The following FRMD5 variants were observed in gnomAD, a reference collection of about 807,000 sequenced individuals.
FRMD5 encodes the protein FERM domain containing 5, also known as FERM domain-containing protein 5.
A neutral mutation model predicts 69.0 loss-of-function variants in FRMD5; 20 were observed. The ratio of observed to expected loss-of-function variants is 0.29; its 90% CI spans 0.20 to 0.42. FRMD5 has a LOEUF of 0.42. Among genes scored for constraint, FRMD5 ranks in the 10% least tolerant of loss-of-function variants. FRMD5 has a pLI of 1.00. For missense variants in FRMD5, 595 were observed against 708.6 expected, an observed-to-expected ratio of 0.84 and a Z score of 1.82; for synonymous variants, 271 against 260.1, an observed-to-expected ratio of 1.04 and a Z score of -0.40.
At position 44,093,351 on chromosome 15, in the gene FRMD5, A is replaced by G. The variant is rs192295373; in HGVS notation, c.102+101602T>C. On this transcript the variant is annotated intron_variant, in intron 1 of 13. Transcript: ENST00000417257. Reference sequence around the variant, plus strand: ...TTCCATTCCTTCCTTCAGGACAAAAAAAAAACAACTTGATCTTATCAGGGG... The same window carrying G: ...TTCCATTCCTTCCTTCAGGACAAAAGAAAAACAACTTGATCTTATCAGGGG... Among the ~76,000 whole-genome samples the G allele has an allele frequency of 4.1e-3, 619 of 152,066 alleles. 2 individuals are homozygous for G. Among genetic ancestry groups the G allele is most frequent in the Non-Finnish European group, 7.1e-3 (479 of 67,858 alleles).
In FRMD5 at chr15:43,874,027, T is replaced by C; in HGVS notation, c.1571A>G (p.Glu524Gly). Residue 524 changes from glutamate to glycine, a missense_variant, in exon 14 of 14, where the codon GAG becomes GGG. Glu to Gly is a moderately conservative substitution (Grantham distance 98). This residue lies in a region of FRMD5 where 245 missense variants were observed against 227.1 expected (regional missense o/e 1.08). Coordinates refer to ENST00000417257, the MANE Select transcript of FRMD5 (RefSeq NM_032892.5). ...VLLLLLIILT[E>G]SDLDIAFFRD... ...GAAAAAGGCAATGTCAAGGTCAGAC[T>C]CGGTAAGGATGATCAGGAGGAGGAG... 1 of 1,614,126 alleles carries C rather than the reference T, an allele frequency of 6.2e-7. No homozygotes were observed. The highest frequency in any genetic ancestry group is 1.1e-5 in the South Asian group (1 of 91,074).
At chr15:44,117,265 T>G (rs1049016721) in intron 1 of FRMD5, among the ~76,000 whole-genome samples, 2 of 152,120 alleles carry the variant, frequency 1.3e-5, no homozygotes, top group African/African-American at 4.8e-5. Flanking sequence ...ATCAAGAGAA[T>G]GAGTGGTAGA....
chr15:43,893,455 T>G (rs1173778437), intron 7 of FRMD5, among the ~76,000 whole-genome samples: 1 of 152,144 alleles, frequency 6.6e-6, no homozygotes, highest in East Asian at 1.9e-4. Context: ...GTGAGCTCCC[T>G]GAGGTCTAGG....
rs149063141 is a variant in FRMD5, at chr15:44,160,169, C to A, written c.102+34784G>T. On this transcript the variant is annotated intron_variant, in intron 1 of 13. Transcript: ENST00000417257. ...AGGAGTTTGAGGCCAGCCTGGCCAA[C>A]ATGGTTAAACCCTGTCTCTACTAAA... Among the ~76,000 whole-genome samples, 600 of 152,322 alleles carry A rather than the reference C, an allele frequency of 3.9e-3. 5 individuals carry two copies. Among genetic ancestry groups the A allele is most frequent in the African/African-American group, 0.014 (562 of 41,572 alleles).
intron 1 of FRMD5, among the ~76,000 whole-genome samples, chr15:44,005,589 T>C (rs1208710031): frequency 1.3e-5 from 2 of 152,224 alleles, no homozygotes; most frequent in East Asian, 3.9e-4. Context: ...CGGCTTCTAT[T>C]TCTTGGGAGG....
intron 1 of FRMD5, among the ~76,000 whole-genome samples, chr15:44,068,694 C>T (rs559569870): frequency 6.6e-6 from 1 of 152,250 alleles, no homozygotes; most frequent in Non-Finnish European, 1.5e-5. Context: ...GTTTGTACAA[C>T]TTTATGAATA....
At chr15:43,915,909 A>T (rs2089377900) in intron 4 of FRMD5, among the ~76,000 whole-genome samples, 1 of 152,130 alleles carries the variant, frequency 6.6e-6, no homozygotes, top group African/African-American at 2.4e-5. Context: ...TGAATTACGG[A>T]TGTTGAGTGA....
At chr15:43,985,267 C>T (rs1464587642) in intron 1 of FRMD5, among the ~76,000 whole-genome samples, 3 of 113,156 alleles carry the variant, frequency 2.7e-5, no homozygotes, top group African/African-American at 3.4e-5. Flanking sequence ...GGCAACAGAG[C>T]GAGACTCCGT....
chr15:43,961,154 T>C (rs970674937), intron 1 of FRMD5, among the ~76,000 whole-genome samples: 1 of 152,082 alleles, frequency 6.6e-6, no homozygotes, highest in Non-Finnish European at 1.5e-5. Context: ...GATAGACTGC[T>C]AGCAAGACTA....
rs1360598855 is a variant in FRMD5, at chr15:43,871,681, G to A, written c.*2204C>T. The A allele has an allele frequency of 6.6e-6, 1 of 152,204 alleles. No individual in the cohort carries two copies. Among genetic ancestry groups the A allele is most frequent in the Non-Finnish European group, 1.5e-5 (1 of 68,042 alleles). The allele number at this position is 152,204 out of a possible 1,614,324, so 9.4% of individuals were successfully genotyped here. A position where few individuals can be genotyped will look rare whatever the true frequency, so the allele number is the denominator to read the frequency against. On this transcript the variant is annotated 3_prime_UTR_variant, in exon 14 of 14. Coordinates refer to ENST00000417257, the MANE Select transcript of FRMD5 (RefSeq NM_032892.5). ...TCTCCTTCGGTTTGTATTGTCACTC[G>A]ATAAATAGATGTTTATAATTCTGCC... is the stretch of plus-strand genomic sequence containing the variant.
chr15:43,979,284 G>C (rs2090511951), intron 1 of FRMD5, among the ~76,000 whole-genome samples: 1 of 151,120 alleles, frequency 6.6e-6, no homozygotes, highest in South Asian at 2.1e-4. Flanking sequence ...ACAGTGAGCG[G>C]AGATCACGCC....
intron 7 of FRMD5, among the ~76,000 whole-genome samples, chr15:43,896,349 T>C (rs2088911280): frequency 6.6e-6 from 1 of 152,240 alleles, no homozygotes; most frequent in Non-Finnish European, 1.5e-5. Flanking sequence ...CCTCATTTGC[T>C]AAATAAGGAC....
chr15:43,963,840 G>T (rs1433368613), intron 1 of FRMD5, among the ~76,000 whole-genome samples: 2 of 152,054 alleles, frequency 1.3e-5, no homozygotes, highest in African/African-American at 4.8e-5. Flanking sequence ...CTCACTCACA[G>T]GTGGGAATTG....
At chr15:44,074,770 A>G (rs967173779) in intron 1 of FRMD5, among the ~76,000 whole-genome samples, 88 of 152,274 alleles carry the variant, frequency 5.8e-4, no homozygotes, top group African/African-American at 2.1e-3. Flanking sequence ...TGGAAGGTCT[A>G]TTTATTTGTT....
At chr15:44,053,608 G>A (rs138220631) in intron 1 of FRMD5, among the ~76,000 whole-genome samples, 2 of 152,192 alleles carry the variant, frequency 1.3e-5, no homozygotes, top group African/African-American at 4.8e-5. Flanking sequence ...ACAAGAATAA[G>A]GATGGCTTAA....
intron 13 of FRMD5, among the ~76,000 whole-genome samples, chr15:43,878,932 C>CTTTTTTTTTTTTTTTTT (rs71421808): frequency 4.4e-4 from 50 of 112,892 alleles, no homozygotes; most frequent in Non-Finnish European, 6.0e-4. Context: ...TTTTTCTTTT[C>CTTTTTTTTTTTTTTTTT]TTTTTTTTTT....
At chr15:44,123,774 G>A (rs1489609981) in intron 1 of FRMD5, among the ~76,000 whole-genome samples, 1 of 151,990 alleles carries the variant, frequency 6.6e-6, no homozygotes, top group Non-Finnish European at 1.5e-5. Flanking sequence ...AAATACAAAT[G>A]GGAATCATCT....
rs529665316 is a variant in FRMD5 at position 44,140,193 on chromosome 15, G to A, written c.102+54760C>T. ...AAAATTTACTATTGTCTCAAAGATA[G>A]TATCAACTAATTTCTAAGAATAATA... On this transcript the variant is annotated intron_variant, in intron 1 of 13. Coordinates refer to ENST00000417257, the MANE Select transcript of FRMD5 (RefSeq NM_032892.5). 1.1e-4 allele frequency among the ~76,000 whole-genome samples: 16 copies of A among 152,016 alleles called. 1 individual carries two copies. Among genetic ancestry groups the A allele is most frequent in the Non-Finnish European group, 1.9e-4 (13 of 67,990 alleles).
chr15:43,972,192 TTAAG>T lies in FRMD5; in HGVS notation c.103-47887_103-47884del, dbSNP rs553956405. Among the ~76,000 whole-genome samples the T allele has an allele frequency of 2.3e-3, 344 of 151,890 alleles. 1 individual carries two copies. The highest frequency in any genetic ancestry group is 8.5e-4 in the Non-Finnish European group (58 of 67,964). ...ATGTAGCAGAGCTCACACCTTGTTA[TTAAG>T]AGAGTTCATAGAGCATGGAAGACCA... is the stretch of plus-strand genomic sequence containing the variant. On this transcript the variant is annotated intron_variant, in intron 1 of 13. Transcript: ENST00000417257.
Sources: allele counts gnomAD v4.1 joint callset (sites outside exome capture counted in the v4.1 genomes callset), GRCh38; gene constraint gnomAD v4.1.1; regional missense constraint gnomAD v4.1.1; transcripts MANE v1.5; gene names NCBI Gene and HGNC (gene_info 2026-07-23, HGNC 2026-07-21).